Variants in CDH18 observed in about 807,000 individuals in gnomAD.
The protein encoded by CDH18 is cadherin-18.
CDH18 carries 31 observed loss-of-function variants against 67.9 expected under a neutral mutation model. That is an observed-to-expected ratio of 0.46 (90% CI 0.34 to 0.62). The LOEUF is 0.62. Among genes scored for constraint, CDH18 ranks in the 20% least tolerant of loss-of-function variants. The pLI, the probability that CDH18 is intolerant of heterozygous loss-of-function variation, is 0.01. For missense variants in CDH18, 890 were observed against 975.5 expected, an observed-to-expected ratio of 0.91 and a Z score of 1.17; for synonymous variants, 362 against 347.2, an observed-to-expected ratio of 1.04 and a Z score of -0.48.
intron 5 of CDH18, among the ~76,000 whole-genome samples, chr5:19,651,677 C>T (rs1755604638): frequency 6.6e-6 from 1 of 152,074 alleles, no homozygotes; most frequent in Non-Finnish European, 1.5e-5. Context: ...CCCTTGAGAA[C>T]ACTCAGAAAC....
At chr5:20,443,620 G>A (rs1045537287) in intron 1 of CDH18, among the ~76,000 whole-genome samples, 21 of 151,886 alleles carry the variant, frequency 1.4e-4, no homozygotes, top group African/African-American at 4.9e-4. Flanking sequence ...TATTCTTTAT[G>A]AGTAACTAAT....
At chr5:19,983,913 A>T (rs1799305538) in intron 1 of CDH18, among the ~76,000 whole-genome samples, 1 of 152,334 alleles carries the variant, frequency 6.6e-6, no homozygotes, top group African/African-American at 2.4e-5. Context: ...TGCAATAATC[A>T]AAATGCATAA....
At chr5:20,156,767 T>G (rs1434867761) in intron 2 of CDH18, among the ~76,000 whole-genome samples, 2 of 152,178 alleles carry the variant, frequency 1.3e-5, no homozygotes, top group African/African-American at 4.8e-5. Flanking sequence ...TACTCTACCT[T>G]TCCATGTATT....
At chr5:19,853,498 G>A (rs1360824884) in intron 2 of CDH18, among the ~76,000 whole-genome samples, 1 of 152,058 alleles carries the variant, frequency 6.6e-6, no homozygotes, top group Non-Finnish European at 1.5e-5. Flanking sequence ...TACATGTAAG[G>A]GCTTCCAAAA....
At chr5:19,782,348 C>A (rs1269908292) in intron 3 of CDH18, among the ~76,000 whole-genome samples, 1 of 152,148 alleles carries the variant, frequency 6.6e-6, no homozygotes, top group Non-Finnish European at 1.5e-5. Context: ...CATGATTCAA[C>A]TACCTCCACC....
chr5:19,964,525 G>C (rs780294755), intron 2 of CDH18, among the ~76,000 whole-genome samples: 60 of 151,342 alleles, frequency 4.0e-4, no homozygotes, highest in Non-Finnish European at 2.9e-4. Flanking sequence ...TTGAGCCTGG[G>C]ATAGTCTCAG....
intron 2 of CDH18, among the ~76,000 whole-genome samples, chr5:20,136,557 A>G (rs1007184679): frequency 1.6e-4 from 24 of 152,108 alleles, no homozygotes; most frequent in Non-Finnish European, 2.5e-4. Context: ...GCCAGTATGT[A>G]TCTTTTAATT....
intron 1 of CDH18, among the ~76,000 whole-genome samples, chr5:20,553,616 G>T (rs941752451): frequency 6.6e-6 from 1 of 152,198 alleles, no homozygotes; most frequent in Non-Finnish European, 1.5e-5. Flanking sequence ...GATGTCCCAT[G>T]TAACAGCAGG....
chr5:19,717,563 GA>G (rs1765495132), intron 5 of CDH18, among the ~76,000 whole-genome samples: 1 of 151,950 alleles, frequency 6.6e-6, no homozygotes, highest in Non-Finnish European at 1.5e-5. Flanking sequence ...TATGGTTTCT[GA>G]AAAGGCATAG....
chr5:19,725,723 C>T (rs765666857), intron 4 of CDH18, among the ~76,000 whole-genome samples: 2 of 152,164 alleles, frequency 1.3e-5, no homozygotes, highest in Admixed American at 6.5e-5. Context: ...GAGCTGAGAT[C>T]ACACCACTGA....
At chr5:20,066,601 T>A (rs1467955219) in intron 2 of CDH18, among the ~76,000 whole-genome samples, 1 of 152,048 alleles carries the variant, frequency 6.6e-6, no homozygotes, top group Non-Finnish European at 1.5e-5. Flanking sequence ...AATGTAAATT[T>A]AAAGTATCCA....
chr5:19,820,401 T>C (rs1025942289), intron 3 of CDH18, among the ~76,000 whole-genome samples: 1 of 152,080 alleles, frequency 6.6e-6, no homozygotes, highest in Non-Finnish European at 1.5e-5. Context: ...CAGCCATCTG[T>C]TTGGCAAAAT....
intron 1 of CDH18, among the ~76,000 whole-genome samples, chr5:20,481,692 T>C (rs1379375286): frequency 6.6e-6 from 1 of 151,994 alleles, no homozygotes; most frequent in Non-Finnish European, 1.5e-5. Context: ...AACGACATGC[T>C]CCTAAAAGAT....
intron 1 of CDH18, among the ~76,000 whole-genome samples, chr5:20,362,831 G>A (rs1197419193): frequency 6.6e-6 from 1 of 152,104 alleles, no homozygotes; most frequent in Admixed American, 6.5e-5. Flanking sequence ...CTCCATACAG[G>A]ATTGGGAGAA....
chr5:20,232,302 T>C (rs544163205), intron 2 of CDH18, among the ~76,000 whole-genome samples: 2 of 152,144 alleles, frequency 1.3e-5, no homozygotes, highest in African/African-American at 4.8e-5. Flanking sequence ...CATTACCTTA[T>C]GAACTTAAAT....
intron 1 of CDH18, among the ~76,000 whole-genome samples, chr5:20,477,756 G>A (rs1009248818): frequency 1.3e-5 from 2 of 152,176 alleles, no homozygotes; most frequent in Non-Finnish European, 2.9e-5. Flanking sequence ...TGGGCTTGGT[G>A]CCAGTGAACT....
At chr5:19,627,789 C>G (rs1751779573) in intron 5 of CDH18, among the ~76,000 whole-genome samples, 1 of 152,150 alleles carries the variant, frequency 6.6e-6, no homozygotes, top group Non-Finnish European at 1.5e-5. Flanking sequence ...ATCATATGCA[C>G]AAATGCCCTA....
chr5:20,281,595 G>C (rs1202596329), intron 1 of CDH18, among the ~76,000 whole-genome samples: 1 of 152,246 alleles, frequency 6.6e-6, no homozygotes, highest in Non-Finnish European at 1.5e-5. Context: ...GTACCGTGCT[G>C]TTTTGGTTAC....
intron 1 of CDH18, among the ~76,000 whole-genome samples, chr5:20,403,518 C>A (rs1221611762): frequency 6.6e-6 from 1 of 152,176 alleles, no homozygotes; most frequent in South Asian, 2.1e-4. Context: ...CAACATTAAT[C>A]TACTTGTACA....
Sources: gnomAD v4.1 joint callset for allele counts (sites outside exome capture counted in the v4.1 genomes callset) on GRCh38, gnomAD v4.1.1 for gene constraint, MANE v1.5 for transcripts, NCBI Gene and HGNC (gene_info 2026-07-23, HGNC 2026-07-21) for gene names.